Variants in ANKRD10 observed in about 807,000 individuals in gnomAD.
ANKRD10 encodes ankyrin repeat domain-containing protein 10.
In ANKRD10, 14 loss-of-function variants were observed where a neutral mutation model predicts 27.0. That is an observed-to-expected ratio of 0.52 (90% CI 0.34 to 0.81). The LOEUF (loss-of-function observed/expected upper bound fraction) is 0.81, where lower values mean the gene tolerates loss of function less well. Ranked by LOEUF, ANKRD10 falls within the 40% of genes least tolerant of loss-of-function variation. The pLI, the probability that ANKRD10 is intolerant of heterozygous loss-of-function variation, is 0.01. For synonymous variants in ANKRD10, 250 were observed against 224.5 expected (o/e 1.11, Z -1.01); for missense variants, 493 against 544.0 (o/e 0.91, Z 0.93).
intron 4 of ANKRD10, among the ~76,000 whole-genome samples, chr13:110,892,492 G>C (rs1002068965): frequency 1.5e-5 from 2 of 133,836 alleles, no homozygotes; most frequent in East Asian, 2.4e-4. Flanking sequence ...AAATCCTCAA[G>C]ATCAAATTAT....
intron 2 of ANKRD10, among the ~76,000 whole-genome samples, chr13:110,906,771 G>C (rs2065549966): frequency 6.6e-6 from 1 of 152,174 alleles, no homozygotes; most frequent in South Asian, 2.1e-4. Context: ...CAAAGGTAAA[G>C]CAAACCAAGC....
chr13:110,883,844 A>G (rs772328334), intron 4 of ANKRD10, 51 bp from the exon 5 acceptor site: 1 of 1,510,570 alleles, frequency 6.6e-7, no homozygotes, highest in Non-Finnish European at 9.0e-7. Context: ...TAACAAGATA[A>G]GTGTTCAGAC....
intron 4 of ANKRD10, among the ~76,000 whole-genome samples, chr13:110,890,005 A>T (rs543271118): frequency 6.6e-6 from 1 of 152,296 alleles, no homozygotes; most frequent in East Asian, 1.9e-4. Context: ...GAAGTTACTC[A>T]AAGTATTTTA....
chr13:110,906,819 G>C (rs2065552389), intron 2 of ANKRD10, among the ~76,000 whole-genome samples: 1 of 152,166 alleles, frequency 6.6e-6, no homozygotes, highest in Non-Finnish European at 1.5e-5. Context: ...AAAGTGCAGA[G>C]GGGGTGGGGT....
chr13:110,896,035 C>T (rs968242322), intron 3 of ANKRD10, among the ~76,000 whole-genome samples: 56 of 152,158 alleles, frequency 3.7e-4, no homozygotes, highest in Admixed American at 3.5e-3. Flanking sequence ...TGTACTCGTA[C>T]GTAAGGACCA....
At chr13:110,904,719 C>T (rs1192308181) in intron 3 of ANKRD10, among the ~76,000 whole-genome samples, 2 of 152,170 alleles carry the variant, frequency 1.3e-5, no homozygotes, top group Non-Finnish European at 2.9e-5. Flanking sequence ...GTATATAAAA[C>T]ATACTATCAA....
chr13:110,891,997 G>A (rs901857383), intron 4 of ANKRD10, among the ~76,000 whole-genome samples: 2 of 150,212 alleles, frequency 1.3e-5, no homozygotes, highest in African/African-American at 2.5e-5. Context: ...ACAGGTATGA[G>A]CCATGACAAC....
At position 110,879,510 on chromosome 13, in the gene ANKRD10, T is replaced by C. The variant is rs1043694201; in HGVS notation, c.*127A>G. ...TGCTGGGAACTTGTCGAAGTTTACT[T>C]TTTCAGAAAGTTGAAGTATATAAAA... On this transcript the variant is annotated 3_prime_UTR_variant, in exon 6 of 6. Coordinates refer to ENST00000267339, the MANE Select transcript of ANKRD10 (RefSeq NM_017664.4). 2.7e-6 allele frequency: 2 copies of C among 749,606 alleles called. No individual in the cohort carries two copies. Among genetic ancestry groups the C allele is most frequent in the South Asian group, 1.8e-5 (1 of 54,648 alleles). The allele number at this position is 749,606 out of a possible 1,614,324, so 46.4% of individuals were successfully genotyped here.
chr13:110,896,997 C>A lies in ANKRD10; in HGVS notation c.456-3734G>T, dbSNP rs535039446. 1.1e-3 allele frequency among the ~76,000 whole-genome samples: 166 copies of A among 151,538 alleles called. 3 individuals carry two copies. Among genetic ancestry groups the A allele is most frequent in the African/African-American group, 3.9e-3 (159 of 41,260 alleles). On this transcript the variant is annotated intron_variant, in intron 3 of 5. Transcript: ENST00000267339. Reference sequence around the variant, plus strand: ...ACAATGTATAGGGATTAAAAAAAACCAGCATAATTGCATATGCATCACCTC... The same window carrying A: ...ACAATGTATAGGGATTAAAAAAAACAAGCATAATTGCATATGCATCACCTC...
chr13:110,881,629 G>C (rs1442036358), intron 5 of ANKRD10, among the ~76,000 whole-genome samples: 1 of 152,084 alleles, frequency 6.6e-6, no homozygotes, highest in Non-Finnish European at 1.5e-5. Flanking sequence ...AATAAAACAA[G>C]TTATTCCCAG....
chr13:110,893,565 TTC>T (rs2065140536), intron 3 of ANKRD10, among the ~76,000 whole-genome samples: 1 of 152,252 alleles, frequency 6.6e-6, no homozygotes, highest in Non-Finnish European at 1.5e-5. Flanking sequence ...TTACGCTAAC[TTC>T]AGACTTGAAA....
chr13:110,893,187 A>G lies in ANKRD10; in HGVS notation c.532T>C (p.Leu178=). ...TTCAGATGACAATTCTGGAGGTTCA[A>G]GAGAAACTGGGCACACTCTTGGAAA... ...QGFQECAQFL[L]NLQNCHLNHF... is the part of the protein sequence containing the mutation. The change falls in exon 4 of 6, where the codon TTG becomes CTG. Residue 178 remains leucine, a synonymous_variant. Transcript: ENST00000267339. The G allele has an allele frequency of 2.5e-6, 4 of 1,614,150 alleles. No homozygotes were observed. The highest frequency in any genetic ancestry group is 3.4e-6 in the Non-Finnish European group (4 of 1,180,028).
chr13:110,911,409 G>A (rs2065703517), intron 1 of ANKRD10, among the ~76,000 whole-genome samples: 2 of 151,770 alleles, frequency 1.3e-5, no homozygotes. Flanking sequence ...CTGAGATCAC[G>A]CCACTGCACT....
chr13:110,885,253 G>C (rs1446870081), intron 4 of ANKRD10, among the ~76,000 whole-genome samples: 12 of 151,712 alleles, frequency 7.9e-5, no homozygotes, highest in African/African-American at 2.9e-4. Flanking sequence ...TTGAAAAAAA[G>C]AGAGAGAAAA....
Position 110,883,756 on chromosome 13 carries a change from G to A in ANKRD10, c.729C>T (p.Gly243=), listed in dbSNP as rs775999967. The A allele has an allele frequency of 8.7e-6, 14 of 1,613,932 alleles. No homozygotes were observed. The highest frequency in any genetic ancestry group is 3.3e-5 in the Admixed American group (2 of 59,984). Residue 243 remains glycine, a synonymous_variant, in exon 5 of 6, where the codon GGC becomes GGT. Transcript: ENST00000267339. ...TTTTGTCAGCATCGTCTTCTGTGTC[G>A]CCATTCGTGAGTGGCACGGCAGAAT... ...SLDSAVPLTN[G]DTEDDADKMH... is the part of the protein sequence containing the mutation.
Position 110,879,568 on chromosome 13 carries a change from T to G in ANKRD10, c.*69A>C, listed in dbSNP as rs1464349064. ...AAGTTGTGACATTCGTTCAAGTTGCTGCTACATGGGTATTCTGAGCTGGCT... is the reference window on the plus strand; with the variant it reads ...AAGTTGTGACATTCGTTCAAGTTGCGGCTACATGGGTATTCTGAGCTGGCT... On this transcript the variant is annotated 3_prime_UTR_variant, in exon 6 of 6. Transcript: ENST00000267339. 2 of 1,199,596 alleles carry G rather than the reference T, an allele frequency of 1.7e-6. No homozygotes were observed. The highest frequency in any genetic ancestry group is 2.7e-5 in the South Asian group (2 of 74,784). 74.3% of individuals were successfully genotyped at this position (1,199,596 alleles called of 1,614,324 possible).
At chr13:110,909,724 A>C (rs1287349497) in intron 2 of ANKRD10, among the ~76,000 whole-genome samples, 1 of 152,218 alleles carries the variant, frequency 6.6e-6, no homozygotes, top group Non-Finnish European at 1.5e-5. Flanking sequence ...TCAGGTGGGT[A>C]GCTGGGTTTT....
chr13:110,889,323 AATCCC>A (rs1274870269), intron 4 of ANKRD10, among the ~76,000 whole-genome samples: 5 of 132,166 alleles, frequency 3.8e-5, no homozygotes, highest in Non-Finnish European at 8.8e-5. Flanking sequence ...AAATGAACAA[AATCCC>A]ACACTGAGGA....
At chr13:110,886,933 GTC>G (rs1327637543) in intron 4 of ANKRD10, among the ~76,000 whole-genome samples, 1 of 152,218 alleles carries the variant, frequency 6.6e-6, no homozygotes, top group Admixed American at 6.5e-5. Context: ...GGTGTCAGGT[GTC>G]TGTTGGGAAG....
Sources: gnomAD v4.1 joint callset for allele counts (sites outside exome capture counted in the v4.1 genomes callset) on GRCh38, gnomAD v4.1.1 for gene constraint, MANE v1.5 for transcripts, NCBI Gene and HGNC (gene_info 2026-07-23, HGNC 2026-07-21) for gene names.